Variants in PLB1 observed in about 807,000 individuals in gnomAD.
PLB1 encodes phospholipase B1, membrane-associated.
In PLB1, 242 loss-of-function variants were observed where a neutral mutation model predicts 227.4. The observed-to-expected ratio is 1.06, with a 90% CI of 0.96 to 1.18. The LOEUF is 1.18. Among genes scored for constraint, PLB1 ranks in the 50% most tolerant of loss-of-function variants. The pLI, the probability that PLB1 is intolerant of heterozygous loss-of-function variation, is 0.00. For synonymous variants in PLB1, 757 were observed against 682.2 expected (o/e 1.11, Z -1.71); for missense variants, 1,858 against 1,816.3 (o/e 1.02, Z -0.42).
rs747927003 is a variant in PLB1 at position 28,626,445 on chromosome 2, A to G, written c.3597A>G (p.Lys1199=). ...CCCCTCAGGACATCAACCTGGAGAA[A>G]GACTGGAAGCTGGTCACACTCTTCA... The part of the protein sequence containing the change: ...MKNSPDINLE[K]DWKLVTLFIG... The change falls in exon 51 of 58, where the codon AAA becomes AAG. Residue 1199 remains lysine (K), a synonymous_variant. Transcript: ENST00000327757. 7 of 1,614,140 alleles carry G rather than the reference A, an allele frequency of 4.3e-6. No individual in the cohort carries two copies. In the South Asian group the frequency reaches 7.7e-5, roughly 18 times the overall value.
At chr2:28,624,951 T>G in intron 49 of PLB1, 106 bp from the exon 50 acceptor site, 1 of 1,039,976 alleles carries the variant, frequency 9.6e-7, no homozygotes, top group Non-Finnish European at 1.5e-6. Context: ...TTTGTACTGG[T>G]AACATCATTC....
At chr2:28,593,022 C>T (rs1047864855) in intron 32 of PLB1, among the ~76,000 whole-genome samples, 4 of 152,170 alleles carry the variant, frequency 2.6e-5, no homozygotes, top group African/African-American at 7.2e-5. Context: ...CCTAAACCTC[C>T]CTGTGCGGGC....
chr2:28,511,788 C>CTTTTTTTTTTTTT (rs59137589), intron 1 of PLB1, among the ~76,000 whole-genome samples: 3 of 132,672 alleles, frequency 2.3e-5, no homozygotes, highest in African/African-American at 5.7e-5. Flanking sequence ...GCCATTTTAT[C>CTTTTTTTTTTTTT]TTTTTTTTTT....
chr2:28,599,575 G>A (rs1374954227), intron 35 of PLB1, among the ~76,000 whole-genome samples: 3 of 152,244 alleles, frequency 2.0e-5, no homozygotes, highest in Non-Finnish European at 2.9e-5. Context: ...ACAAGTGGAA[G>A]TGGGGAGCAC....
chr2:28,582,185 G>C (rs918178083), intron 24 of PLB1, 52 bp downstream of exon 24: 1 of 1,574,036 alleles, frequency 6.4e-7, no homozygotes, highest in Non-Finnish European at 8.7e-7. Flanking sequence ...ACCTAGCCTA[G>C]AGGAAGCTCT....
intron 31 of PLB1, among the ~76,000 whole-genome samples, chr2:28,592,180 C>T (rs1375071364): frequency 1.3e-5 from 2 of 152,144 alleles, no homozygotes; most frequent in African/African-American, 2.4e-5. Flanking sequence ...CAAGGAAAGG[C>T]CCAACATGGC....
intron 33 of PLB1, chr2:28,593,961 T>G: frequency 1.4e-6 from 1 of 739,554 alleles, no homozygotes; most frequent in Non-Finnish European, 2.5e-6. Context: ...TTTTTTTTTT[T>G]GATTGTGCAG....
chr2:28,603,556 T>C (rs752355120), intron 39 of PLB1, among the ~76,000 whole-genome samples: 3 of 152,198 alleles, frequency 2.0e-5, no homozygotes, highest in African/African-American at 7.2e-5. Context: ...AGGGCACTCA[T>C]GTGAAAGAAG....
chr2:28,581,492 AATAAATAAATAAATAAATAAAT>A (rs1679964869), intron 23 of PLB1, among the ~76,000 whole-genome samples: 6 of 79,436 alleles, frequency 7.6e-5, no homozygotes, highest in Non-Finnish European at 1.1e-4. Flanking sequence ...CAAAAAAATA[AATAAATAAATAAATAAATAAAT>A]AAATAAATAA....
At position 28,633,059 on chromosome 2, in the gene PLB1, G is replaced by A. The variant is rs765076863; in HGVS notation, c.4098+20G>A. The A allele has an allele frequency of 4.4e-6, 7 of 1,598,970 alleles. No individual in the cohort carries two copies. The highest frequency in any genetic ancestry group is 1.7e-5 in the Admixed American group (1 of 59,974). ...AACATGGTGAGCAGCCAAGGGCCTGGTGGGCCTTGTCAAGGGGGGATCTAA... is the reference window on the plus strand; with the variant it reads ...AACATGGTGAGCAGCCAAGGGCCTGATGGGCCTTGTCAAGGGGGGATCTAA... On this transcript the variant is annotated intron_variant, in intron 56 of 57. Coordinates refer to ENST00000327757, the MANE Select transcript of PLB1 (RefSeq NM_153021.5).
chr2:28,601,249 T>C lies in PLB1; in HGVS notation c.2527-3T>C. 1 of 1,610,540 alleles carries C rather than the reference T, an allele frequency of 6.2e-7. No individual in the cohort carries two copies. On this transcript the variant is annotated splice_region_variant and splice_polypyrimidine_tract_variant and intron_variant, in intron 36 of 57. Coordinates refer to ENST00000327757, the MANE Select transcript of PLB1 (RefSeq NM_153021.5). The stretch of plus-strand genomic sequence containing the variant: ...TATCAAGCATTTTCCTCCCTCCATA[T>C]AGAGAGTAAATTTCCATGAAGACTG...
chr2:28,589,317 T>G, intron 26 of PLB1, 133 bp from the exon 27 acceptor site: 3 of 671,926 alleles, frequency 4.5e-6, no homozygotes, highest in South Asian at 1.8e-5. Context: ...AAATCTCAGT[T>G]GAGATTTTGC....
chr2:28,572,929 A>G (rs935788675), intron 20 of PLB1, among the ~76,000 whole-genome samples: 5 of 152,240 alleles, frequency 3.3e-5, no homozygotes, highest in Admixed American at 6.5e-5. Context: ...AAGCTAGTAT[A>G]TAGTTAGAAA....
intron 4 of PLB1, among the ~76,000 whole-genome samples, chr2:28,524,541 C>T (rs1372691816): frequency 6.6e-6 from 1 of 151,928 alleles, no homozygotes; most frequent in Non-Finnish European, 1.5e-5. Context: ...CACCCAGGCA[C>T]TGTTCTAGGT....
At chr2:28,549,607 A>G (rs1673899082) in intron 15 of PLB1, among the ~76,000 whole-genome samples, 1 of 151,960 alleles carries the variant, frequency 6.6e-6, no homozygotes, top group Non-Finnish European at 1.5e-5. Context: ...TAGTCTTTCT[A>G]TCATTTAATG....
At chr2:28,641,589 C>T (rs1689981430) in intron 57 of PLB1, among the ~76,000 whole-genome samples, 2 of 152,136 alleles carry the variant, frequency 1.3e-5, no homozygotes. Context: ...GACTGAGTGA[C>T]AGAGTGAGAC....
intron 6 of PLB1, among the ~76,000 whole-genome samples, chr2:28,526,399 A>G (rs1670275787): frequency 6.6e-6 from 1 of 152,140 alleles, no homozygotes; most frequent in Admixed American, 6.5e-5. Flanking sequence ...AATACAAGAC[A>G]TCAGTTGGGT....
Position 28,618,334 on chromosome 2 carries a change from C to A in PLB1, c.3257-7C>A, listed in dbSNP as rs773787854. ...CCCACAACCACCTCTCTGCTTGTCT[C>A]CCCTAGTCCACCAGCTCCGACCAGC... On this transcript the variant is annotated splice_polypyrimidine_tract_variant and splice_region_variant and intron_variant, in intron 45 of 57. Coordinates refer to ENST00000327757, the MANE Select transcript of PLB1 (RefSeq NM_153021.5). The A allele has an allele frequency of 6.2e-7, 1 of 1,613,886 alleles. No individual in the cohort carries two copies. The highest frequency in any genetic ancestry group is 1.7e-5 in the Admixed American group (1 of 60,014).
intron 48 of PLB1, 109 bp from the exon 49 acceptor site, chr2:28,620,770 A>G (rs541849083): frequency 4.3e-5 from 65 of 1,512,262 alleles, no homozygotes; most frequent in Non-Finnish European, 5.5e-5. Flanking sequence ...GAAAAGCCCC[A>G]GAACTCCTGT....
Sources: allele counts gnomAD v4.1 joint callset (sites outside exome capture counted in the v4.1 genomes callset), GRCh38; gene constraint gnomAD v4.1.1; transcripts MANE v1.5; gene names NCBI Gene and HGNC (gene_info 2026-07-23, HGNC 2026-07-21).